ATF6: variants seen among roughly 807,000 people sequenced by gnomAD.
ATF6 encodes cyclic AMP-dependent transcription factor ATF-6 alpha.
In ATF6, 53 loss-of-function variants were observed where a neutral mutation model predicts 83.6. That is an observed-to-expected ratio of 0.63 (90% CI 0.51 to 0.80). The LOEUF (loss-of-function observed/expected upper bound fraction) is 0.80. Among genes scored for constraint, ATF6 ranks in the 30% least tolerant of loss-of-function variants. ATF6 has a pLI of 0.00. For missense variants in ATF6, 744 were observed against 797.9 expected (o/e 0.93, Z 0.81); for synonymous variants, 288 against 285.8 (o/e 1.01, Z -0.08).
chr1:161,921,902 A>G (rs1688219905), intron 15 of ATF6, among the ~76,000 whole-genome samples: 2 of 152,206 alleles, frequency 1.3e-5, no homozygotes, highest in South Asian at 4.1e-4. Context: ...CAAGATAACA[A>G]AGCTTATGGA....
chr1:161,881,538 G>C (rs548206644), intron 14 of ATF6, among the ~76,000 whole-genome samples: 3 of 152,110 alleles, frequency 2.0e-5, no homozygotes, highest in African/African-American at 7.2e-5. Flanking sequence ...TGAATAGCCC[G>C]ATGGAAGAGA....
In ATF6 at chr1:161,963,560, A is replaced by G. The variant is rs1389359243; in HGVS notation, c.*4906A>G. 2 of 152,240 alleles carry G rather than the reference A, an allele frequency of 1.3e-5. No individual in the cohort carries two copies. The highest frequency in any genetic ancestry group is 4.8e-5 in the African/African-American group (2 of 41,466). The allele number at this position is 152,240 out of a possible 1,614,324, so 9.4% of individuals were successfully genotyped here. The stretch of plus-strand genomic sequence containing the variant: ...TGCTGTTTGCTCTCAATGAAGTTGA[A>G]TAAACCAGGAGGCTTGGCATATCCC... On this transcript the variant is annotated 3_prime_UTR_variant, in exon 16 of 16. Coordinates refer to ENST00000367942, the MANE Select transcript of ATF6 (RefSeq NM_007348.4).
intron 1 of ATF6, among the ~76,000 whole-genome samples, chr1:161,777,335 C>T (rs755896521): frequency 3.3e-5 from 5 of 152,178 alleles, no homozygotes; most frequent in Non-Finnish European, 5.9e-5. Context: ...TTTGTTATTA[C>T]TACGTATACA....
intron 9 of ATF6, among the ~76,000 whole-genome samples, chr1:161,822,590 A>G (rs1240763551): frequency 1.3e-5 from 2 of 152,216 alleles, no homozygotes; most frequent in African/African-American, 4.8e-5. Flanking sequence ...AGGAAATTTG[A>G]GAAAATAATA....
chr1:161,942,610 T>C (rs1352411095), intron 15 of ATF6, among the ~76,000 whole-genome samples: 1 of 152,232 alleles, frequency 6.6e-6, no homozygotes, highest in Non-Finnish European at 1.5e-5. Flanking sequence ...CTTGACATCC[T>C]GAAAGTCCTC....
intron 7 of ATF6, among the ~76,000 whole-genome samples, chr1:161,804,421 G>T (rs1685228669): frequency 6.6e-6 from 1 of 152,074 alleles, no homozygotes. Context: ...GATGGGGAGA[G>T]TATCTAGAAA....
At chr1:161,952,332 C>T (rs1361432330) in intron 15 of ATF6, among the ~76,000 whole-genome samples, 1 of 152,086 alleles carries the variant, frequency 6.6e-6, no homozygotes, top group African/African-American at 2.4e-5. Flanking sequence ...CCCCCTTTGC[C>T]TCCTTAAGTC....
At chr1:161,862,311 C>T (rs2101838016) in intron 13 of ATF6, among the ~76,000 whole-genome samples, 1 of 152,138 alleles carries the variant, frequency 6.6e-6, no homozygotes, top group South Asian at 2.1e-4. Flanking sequence ...TCTTTTTCTC[C>T]TCTTAATAAT....
chr1:161,785,476 T>C lies in ATF6; in HGVS notation c.354+1380T>C, dbSNP rs535144699. On this transcript the variant is annotated intron_variant, in intron 4 of 15. Transcript: ENST00000367942. ...TTTTTTTAGCTTAGCAGGATAACTCTTAATTTCAGAGTATATAATTTTCCC... is the reference window on the plus strand; with the variant it reads ...TTTTTTTAGCTTAGCAGGATAACTCCTAATTTCAGAGTATATAATTTTCCC... Among the ~76,000 whole-genome samples the C allele has an allele frequency of 2.0e-5, 3 of 152,320 alleles. No individual in the cohort carries two copies. The South Asian group carries it at 6.2e-4, about 32-fold the overall frequency.
At chr1:161,800,644 A>G (rs1226683536) in intron 6 of ATF6, among the ~76,000 whole-genome samples, 3 of 152,220 alleles carry the variant, frequency 2.0e-5, no homozygotes, top group Admixed American at 6.5e-5. Context: ...CACAACAGCA[A>G]CAACAAAAAA....
chr1:161,950,616 T>C (rs1688843259), intron 15 of ATF6, among the ~76,000 whole-genome samples: 1 of 152,200 alleles, frequency 6.6e-6, no homozygotes, highest in Admixed American at 6.5e-5. Context: ...ATTCCTCATG[T>C]TGGCTGATGA....
intron 6 of ATF6, 152 bp from the exon 7 acceptor site, chr1:161,801,900 T>C (rs574138211): frequency 3.0e-6 from 2 of 657,320 alleles, no homozygotes; most frequent in East Asian, 2.7e-5. Flanking sequence ...CATAAGCGTG[T>C]GCTGCTATTG....
At chr1:161,866,371 G>C (rs944005630) in intron 14 of ATF6, among the ~76,000 whole-genome samples, 7 of 152,246 alleles carry the variant, frequency 4.6e-5, no homozygotes, top group Admixed American at 2.6e-4. Context: ...TTGAGCGGTT[G>C]AAATTATTTT....
chr1:161,948,984 A>G (rs1431617064), intron 15 of ATF6, among the ~76,000 whole-genome samples: 2 of 152,240 alleles, frequency 1.3e-5, no homozygotes, highest in African/African-American at 2.4e-5. Flanking sequence ...TGTTTCAGAC[A>G]TTGACTTCTC....
intron 14 of ATF6, among the ~76,000 whole-genome samples, chr1:161,871,638 G>A: frequency 6.6e-6 from 1 of 151,556 alleles, no homozygotes; most frequent in East Asian, 1.9e-4. Flanking sequence ...AATATGTGAG[G>A]AAAAAATGTA....
At chr1:161,794,223 A>G (rs1268748954) in intron 6 of ATF6, among the ~76,000 whole-genome samples, 3 of 152,030 alleles carry the variant, frequency 2.0e-5, no homozygotes. Flanking sequence ...TTTTTATAGT[A>G]CAATCTAAAT....
chr1:161,828,258 A>T (rs942216449), intron 9 of ATF6, among the ~76,000 whole-genome samples: 11 of 152,316 alleles, frequency 7.2e-5, no homozygotes, highest in Admixed American at 2.6e-4. Context: ...AAGGTACAGG[A>T]AACTCATTGC....
At chr1:161,875,453 C>G (rs1687195954) in intron 14 of ATF6, among the ~76,000 whole-genome samples, 2 of 151,772 alleles carry the variant, frequency 1.3e-5, no homozygotes, top group Non-Finnish European at 1.5e-5. Context: ...CAAATGTTGA[C>G]ACATTTTATT....
At chr1:161,771,953 C>T (rs1239430757) in intron 1 of ATF6, among the ~76,000 whole-genome samples, 1 of 152,224 alleles carries the variant, frequency 6.6e-6, no homozygotes, top group Admixed American at 6.5e-5. Context: ...TACCCAGTCT[C>T]AGCCATTTGC....
Sources: allele counts gnomAD v4.1 joint callset (sites outside exome capture counted in the v4.1 genomes callset), GRCh38; gene constraint gnomAD v4.1.1; transcripts MANE v1.5; gene names NCBI Gene and HGNC (gene_info 2026-07-23, HGNC 2026-07-21).